The following MBD3 variants were observed in gnomAD, a reference collection of about 807,000 sequenced individuals.
MBD3 encodes methyl-CpG-binding domain protein 3.
Under a neutral mutation model 31.2 loss-of-function variants are expected in MBD3, and 13 were observed. That is an observed-to-expected ratio of 0.42 (90% CI 0.27 to 0.66). The LOEUF is 0.66. Ranked by LOEUF, MBD3 falls within the 30% of genes least tolerant of loss-of-function variation. The pLI is 0.26. For missense variants in MBD3, 440 were observed against 426.5 expected (o/e 1.03, Z -0.28); for synonymous variants, 223 against 187.4 (o/e 1.19, Z -1.55).
rs1408757797 is a variant in MBD3 at position 1,576,716 on chromosome 19, G to GTCCCCACGCCCACGGC, written c.*1432_*1447dup. On this transcript the variant is annotated 3_prime_UTR_variant, in exon 7 of 7. Transcript: ENST00000434436. The stretch of plus-strand genomic sequence containing the variant: ...ACCCATGGTGGCTTTATTCAGTCAC[G>GTCCCCACGCCCACGGC]TCCCCACGCCCACGGCTCCCTCCAC... 22 of 152,466 alleles carry GTCCCCACGCCCACGGC rather than the reference G, an allele frequency of 1.4e-4. No homozygotes were observed. The highest frequency in any genetic ancestry group is 4.8e-4 in the African/African-American group (20 of 41,574). 9.4% of individuals were successfully genotyped at this position (152,466 alleles called of 1,614,324 possible).
chr19:1,584,887 G>T, intron 2 of MBD3, 168 bp downstream of exon 2: 1 of 1,129,716 alleles, frequency 8.9e-7, no homozygotes, highest in Non-Finnish European at 1.2e-6. Flanking sequence ...CTCGCCATGC[G>T]CCTTGCGCTC....
intron 1 of MBD3, among the ~76,000 whole-genome samples, chr19:1,586,529 G>A (rs530280543): frequency 5.5e-4 from 84 of 152,252 alleles, no homozygotes; most frequent in Middle Eastern, 3.4e-3. Context: ...TTTCCTTTTG[G>A]AGATAGGGTC....
In MBD3 at chr19:1,584,547, G is replaced by A. The variant is rs201243195; in HGVS notation, c.401C>T (p.Pro134Leu). ...GCTGTGCGTTGAGCTCACCTGGCGC[G>A]GCTGGTCCACCGCCTTCTGCGGGTC... ...KSDPQKAVDQ[P>L]RQLFWEKKLS... Residue 134 changes from proline to leucine, a missense_variant, in exon 3 of 7, where the codon CCG becomes CTG. Around this residue, in one of 3 missense-constraint regions of MBD3, gnomAD observed 144 missense variants for 196.9 expected, o/e 0.73. Transcript: ENST00000434436. 6.2e-7 allele frequency: 1 copy of A among 1,613,398 alleles called. No individual in the cohort carries two copies. Among genetic ancestry groups the A allele is most frequent in the East Asian group, 2.2e-5 (1 of 44,872 alleles).
rs557708095 is a variant in MBD3, at chr19:1,581,226, G to A, written c.543C>T (p.Ile181=). The part of the protein sequence containing the change: ...GCTDETLLSA[I]ASALHTSTMP... ...TGGTGCTAGTGTGCAGGGCGCTGGCGATGGCCGACAGCAGCGTCTCATCCG... is the reference window on the plus strand; with the variant it reads ...TGGTGCTAGTGTGCAGGGCGCTGGCAATGGCCGACAGCAGCGTCTCATCCG... Residue 181 remains isoleucine (I), a synonymous_variant, in exon 5 of 7, where the codon ATC becomes ATT. Transcript: ENST00000434436. 4.9e-4 allele frequency: 784 copies of A among 1,612,830 alleles called. 10 individuals carry two copies. The South Asian group carries it at 7.9e-3, about 16-fold the overall frequency.
chr19:1,582,857 T>G, intron 3 of MBD3, 145 bp from the exon 4 acceptor site: 1 of 704,326 alleles, frequency 1.4e-6, no homozygotes, highest in Non-Finnish European at 2.6e-6. Flanking sequence ...GCCTTGGGTC[T>G]CCAGACCCTG....
rs149679096 is a variant in MBD3 at position 1,581,178 on chromosome 19, C to T, written c.591G>A (p.Ser197=). ...CGCCGGGGTTCTTCTCCACGGCGGC[C>T]GAGAGCTGTCCCGTGATGGGCATGG... ...TSTMPITGQL[S]AAVEKNPGVW... is the part of the protein sequence containing the mutation. Residue 197 remains serine, a synonymous_variant, in exon 5 of 7, where the codon TCG becomes TCA. Coordinates refer to ENST00000434436, the MANE Select transcript of MBD3 (RefSeq NM_001281453.2). 1.7e-4 allele frequency: 268 copies of T among 1,614,052 alleles called. No individual in the cohort carries two copies. The highest frequency in any genetic ancestry group is 1.1e-3 in the African/African-American group (84 of 75,042).
chr19:1,587,519 A>G (rs2060684941), intron 1 of MBD3, among the ~76,000 whole-genome samples: 1 of 151,776 alleles, frequency 6.6e-6, no homozygotes, highest in Admixed American at 6.6e-5. Flanking sequence ...GACTCAAGGG[A>G]TTGTCCTGCC....
At chr19:1,587,108 G>A (rs144739998) in intron 1 of MBD3, among the ~76,000 whole-genome samples, 10 of 151,986 alleles carry the variant, frequency 6.6e-5, no homozygotes, top group African/African-American at 2.2e-4. Context: ...TGGGACTACA[G>A]CTGCCCACCA....
intron 1 of MBD3, among the ~76,000 whole-genome samples, chr19:1,588,270 ATTTACT>A (rs1278254548): frequency 1.3e-5 from 2 of 152,056 alleles, no homozygotes; most frequent in Non-Finnish European, 2.9e-5. Flanking sequence ...CTTCCCGGAG[ATTTACT>A]TTTGAGACTT....
chr19:1,584,889 C>T (rs2060670824), intron 2 of MBD3, 166 bp downstream of exon 2: 5 of 1,153,700 alleles, frequency 4.3e-6, no homozygotes, highest in Non-Finnish European at 6.1e-6. Context: ...CGCCATGCGC[C>T]TTGCGCTCTG....
chr19:1,592,577 CT>C lies in MBD3; in HGVS notation c.54del (p.Glu19LysfsTer41). ...CPALPQGWER[E>X]EVPRRSGLSA... ...GACAGCCCCGACCTTCTGGGCACTTCTTCCCTCTCCCAGCCCTGCGGGAGCG... is the reference window on the plus strand; with the variant it reads ...GACAGCCCCGACCTTCTGGGCACTTCTCCCTCTCCCAGCCCTGCGGGAGCG... On this transcript the variant is annotated frameshift_variant, in exon 1 of 7. Transcript: ENST00000434436. LOFTEE classifies it high-confidence loss of function. 1 of 1,444,966 alleles carries C rather than the reference CT, an allele frequency of 6.9e-7. No individual in the cohort carries two copies. Among genetic ancestry groups the C allele is most frequent in the Non-Finnish European group, 9.3e-7 (1 of 1,077,282 alleles). 89.5% of individuals were successfully genotyped at this position (1,444,966 alleles called of 1,614,324 possible).
At chr19:1,584,365 C>G (rs1370808713) in intron 3 of MBD3, among the ~76,000 whole-genome samples, 175 bp downstream of exon 3, 1 of 152,206 alleles carries the variant, frequency 6.6e-6, no homozygotes, top group East Asian at 1.9e-4. Flanking sequence ...CACAGGCGGG[C>G]GCCACCACGT....
chr19:1,580,016 C>T (rs1291100427), intron 5 of MBD3, among the ~76,000 whole-genome samples: 1 of 152,222 alleles, frequency 6.6e-6, no homozygotes, highest in African/African-American at 2.4e-5. Flanking sequence ...CCTCGGCCTC[C>T]CAAAGTGCTG....
At position 1,591,108 on chromosome 19, in the gene MBD3, T is replaced by C. The variant is rs549213510; in HGVS notation, c.110+1414A>G. ...AGGGGGTTCCTGCTGCCTGGACGCC[T>C]CTCCCTGTCACTCAATGTCACGTCC... On this transcript the variant is annotated intron_variant, in intron 1 of 6. Coordinates refer to ENST00000434436, the MANE Select transcript of MBD3 (RefSeq NM_001281453.2). Among the ~76,000 whole-genome samples the C allele has an allele frequency of 2.6e-5, 4 of 152,234 alleles. No individual in the cohort carries two copies. The South Asian group carries it at 8.3e-4, about 32-fold the overall frequency.
chr19:1,575,836 G>A lies in MBD3; in HGVS notation c.*2328C>T, dbSNP rs1347892431. On this transcript the variant is annotated 3_prime_UTR_variant, in exon 7 of 7. Transcript: ENST00000434436. ...AAGCTTCGTCAACAGCGACAGCCCA[G>A]GGCCTGGATGGGCTTCCAGTGGGGA... 1 of 152,616 alleles carries A rather than the reference G, an allele frequency of 6.6e-6. No homozygotes were observed. Among genetic ancestry groups the A allele is most frequent in the Non-Finnish European group, 1.5e-5 (1 of 68,360 alleles). 9.5% of individuals were successfully genotyped at this position (152,616 alleles called of 1,614,324 possible). A position where few individuals can be genotyped will look rare whatever the true frequency, so the allele number is the denominator to read the frequency against.
chr19:1,579,368 C>T (rs1015204057), intron 5 of MBD3, among the ~76,000 whole-genome samples: 5 of 151,964 alleles, frequency 3.3e-5, no homozygotes, highest in Non-Finnish European at 7.4e-5. Flanking sequence ...CTCAACCCAC[C>T]ACCAGGGATG....
rs764297847 is a variant in MBD3, at chr19:1,581,124, G to A, written c.645C>T (p.Cys215=). 3 of 1,614,178 alleles carry A rather than the reference G, an allele frequency of 1.9e-6. No individual in the cohort carries two copies. Among genetic ancestry groups the A allele is most frequent in the Admixed American group, 1.7e-5 (1 of 60,016 alleles). Residue 215 remains cysteine, a synonymous_variant, in exon 5 of 7, where the codon TGC becomes TGT. Coordinates refer to ENST00000434436, the MANE Select transcript of MBD3 (RefSeq NM_001281453.2). ...CCTCGTCGGTCACCATGAAGGCTTTGCACAGGGGCTGCGTGGTGTTGAGCC... is the reference window on the plus strand; with the variant it reads ...CCTCGTCGGTCACCATGAAGGCTTTACACAGGGGCTGCGTGGTGTTGAGCC... ...GVWLNTTQPL[C]KAFMVTDEDI...
rs760571556 is a variant in MBD3, at chr19:1,576,684, C to T, written c.*1480G>A. The T allele has an allele frequency of 3.3e-5, 5 of 152,372 alleles. No homozygotes were observed. Among genetic ancestry groups the T allele is most frequent in the Admixed American group, 6.5e-5 (1 of 15,288 alleles). 9.4% of individuals were successfully genotyped at this position (152,372 alleles called of 1,614,324 possible). A position where few individuals can be genotyped will look rare whatever the true frequency, so the allele number is the denominator to read the frequency against. On this transcript the variant is annotated 3_prime_UTR_variant, in exon 7 of 7. Coordinates refer to ENST00000434436, the MANE Select transcript of MBD3 (RefSeq NM_001281453.2). ...GACGCACCGAACTCCAGGCTCCAAG[C>T]ACATCCACCCATGGTGGCTTTATTC...
rs773954389 is a variant in MBD3, at chr19:1,575,135, G to C, written c.*3029C>G. Reference sequence around the variant, plus strand: ...ACACGTGAGGCTCTTGCTGCTGCTGGCAAGTGCCAGAAGGGCTGCCATGGT... The same window carrying C: ...ACACGTGAGGCTCTTGCTGCTGCTGCCAAGTGCCAGAAGGGCTGCCATGGT... On this transcript the variant is annotated 3_prime_UTR_variant, in exon 7 of 7. Coordinates refer to ENST00000434436, the MANE Select transcript of MBD3 (RefSeq NM_001281453.2). 1 of 415,174 alleles carries C rather than the reference G, an allele frequency of 2.4e-6. No homozygotes were observed. The highest frequency in any genetic ancestry group is 1.7e-5 in the South Asian group (1 of 58,260). The allele number at this position is 415,174 out of a possible 1,614,324, so 25.7% of individuals were successfully genotyped here. A position where few individuals can be genotyped will look rare whatever the true frequency, so the allele number is the denominator to read the frequency against.
Sources: allele counts gnomAD v4.1 joint callset (sites outside exome capture counted in the v4.1 genomes callset), GRCh38; gene constraint gnomAD v4.1.1; regional missense constraint gnomAD v4.1.1; transcripts MANE v1.5; gene names NCBI Gene and HGNC (gene_info 2026-07-23, HGNC 2026-07-21).